AP3B2: variants seen among roughly 807,000 people sequenced by gnomAD.
The protein encoded by AP3B2 is AP-3 complex subunit beta-2.
A neutral mutation model predicts 126.9 loss-of-function variants in AP3B2; 50 were observed. The observed-to-expected ratio is 0.39, with a 90% CI of 0.31 to 0.50. AP3B2 has a LOEUF of 0.50. AP3B2 is among the 20% of genes least tolerant of loss of function. The probability of loss-of-function intolerance (pLI) is 0.79; values close to 1 mark genes in which losing one functional copy is unlikely to be tolerated. For missense variants in AP3B2, 1,177 were observed against 1,426.4 expected (o/e 0.83, Z 2.82); for synonymous variants, 541 against 565.0 (o/e 0.96, Z 0.60).
At chr15:82,701,206 G>A (rs1755448543) in intron 1 of AP3B2, among the ~76,000 whole-genome samples, 1 of 151,954 alleles carries the variant, frequency 6.6e-6, no homozygotes, top group Admixed American at 6.6e-5. Context: ...TCTTCCCTCT[G>A]GGCAGAGTTG....
chr15:82,670,296 G>A (rs1186726971), intron 14 of AP3B2, among the ~76,000 whole-genome samples: 1 of 152,026 alleles, frequency 6.6e-6, no homozygotes, highest in Non-Finnish European at 1.5e-5. Flanking sequence ...TTTTAGTAGA[G>A]ACAGGGTTTC....
chr15:82,682,696 G>A (rs1275834759), intron 4 of AP3B2, among the ~76,000 whole-genome samples: 8 of 150,534 alleles, frequency 5.3e-5, no homozygotes, highest in Admixed American at 6.6e-5. Flanking sequence ...ACTCCAGACT[G>A]AGCAACAGAG....
intron 1 of AP3B2, among the ~76,000 whole-genome samples, chr15:82,692,994 T>A (rs2048567668): frequency 6.6e-6 from 1 of 151,300 alleles, no homozygotes. Flanking sequence ...AGGTAAGAAC[T>A]CCAAAGAATA....
intron 1 of AP3B2, among the ~76,000 whole-genome samples, chr15:82,709,354 C>T (rs891541212): frequency 1.3e-5 from 2 of 152,206 alleles, no homozygotes; most frequent in Admixed American, 1.3e-4. Flanking sequence ...TGAGCTGGCC[C>T]ATCCCCCGCC....
intron 4 of AP3B2, chr15:82,688,126 GT>G: frequency 3.3e-6 from 1 of 304,106 alleles, no homozygotes; most frequent in Non-Finnish European, 6.1e-6. Flanking sequence ...ATAAATAAAG[GT>G]ATGCAAAAAT....
chr15:82,669,325 T>C (rs1182814789), intron 14 of AP3B2, among the ~76,000 whole-genome samples: 1 of 152,182 alleles, frequency 6.6e-6, no homozygotes, highest in African/African-American at 2.4e-5. Flanking sequence ...ATTTAAAAAA[T>C]CTTAAGGATT....
chr15:82,672,074 T>C (rs2048168501), intron 14 of AP3B2, among the ~76,000 whole-genome samples: 1 of 152,042 alleles, frequency 6.6e-6, no homozygotes, highest in Non-Finnish European at 1.5e-5. Context: ...AAAATAGTGC[T>C]ACCATATGAT....
intron 1 of AP3B2, among the ~76,000 whole-genome samples, chr15:82,707,034 GGGTCTGAGAAGGCCACTGC>G (rs1392690678): frequency 6.6e-6 from 1 of 152,162 alleles, no homozygotes; most frequent in African/African-American, 2.4e-5. Context: ...CTTTCCCACA[GGGTCTGAGAAGGCCACTGC>G]GGTCATTTCT....
chr15:82,660,017 A>G, intron 25 of AP3B2, 34 bp from the exon 26 acceptor site: 1 of 1,610,504 alleles, frequency 6.2e-7, no homozygotes, highest in South Asian at 1.1e-5. Flanking sequence ...GGCAGAGGCC[A>G]TGGTGGGTAC....
chr15:82,669,452 G>C (rs1392662998), intron 14 of AP3B2, among the ~76,000 whole-genome samples: 1 of 152,166 alleles, frequency 6.6e-6, no homozygotes, highest in Non-Finnish European at 1.5e-5. Flanking sequence ...CCAGCACTTT[G>C]GGAGGCCGAG....
rs778742367 is a variant in AP3B2 at position 82,688,808 on chromosome 15, G to A, written c.288C>T (p.Tyr96=). ...NIEVKKLVYV[Y]LVRYAEEQQD... is the part of the protein sequence containing the mutation. The stretch of plus-strand genomic sequence containing the variant: ...GCTGCTCCTCAGCGTAGCGTACCAG[G>A]TACACATAGACAAGCTTCTTCACCT... The change falls in exon 4 of 27, where the codon TAC becomes TAT. Residue 96 remains tyrosine (Y), a synonymous_variant. Coordinates refer to ENST00000535359, the MANE Select transcript of AP3B2 (RefSeq NM_001278512.2). The A allele has an allele frequency of 1.9e-5, 30 of 1,612,558 alleles. No homozygotes were observed. In the South Asian group the frequency reaches 3.1e-4, roughly 17 times the overall value.
At chr15:82,694,140 A>G (rs2048595766) in intron 1 of AP3B2, among the ~76,000 whole-genome samples, 1 of 151,966 alleles carries the variant, frequency 6.6e-6, no homozygotes, top group African/African-American at 2.4e-5. Flanking sequence ...AATAGCTGAG[A>G]TTACAGGTGT....
intron 1 of AP3B2, among the ~76,000 whole-genome samples, chr15:82,697,054 G>A (rs578250770): frequency 7.9e-5 from 12 of 152,160 alleles, no homozygotes; most frequent in East Asian, 3.9e-4. Flanking sequence ...AAATCAGGCC[G>A]GGCACGGTGG....
chr15:82,661,769 C>T, intron 25 of AP3B2, 56 bp downstream of exon 25: 6 of 1,433,680 alleles, frequency 4.2e-6, no homozygotes, highest in Non-Finnish European at 5.8e-6. Context: ...CCAAGCTGGA[C>T]ATTCTGGAGT....
At chr15:82,684,444 T>C (rs1310691276) in intron 4 of AP3B2, among the ~76,000 whole-genome samples, 1 of 152,196 alleles carries the variant, frequency 6.6e-6, no homozygotes, top group East Asian at 1.9e-4. Context: ...ATCATAGAAT[T>C]GGAGAGATTT....
chr15:82,693,066 C>A (rs2048568778), intron 1 of AP3B2, among the ~76,000 whole-genome samples: 1 of 151,896 alleles, frequency 6.6e-6, no homozygotes, highest in Non-Finnish European at 1.5e-5. Context: ...AAAACATAAA[C>A]ACCACGAGAC....
In AP3B2 at chr15:82,676,327, C is replaced by A. The variant is rs545724072; in HGVS notation, c.1665+134G>T. 1.9e-5 allele frequency: 18 copies of A among 926,204 alleles called. No individual in the cohort carries two copies. The South Asian group carries it at 3.1e-4, about 16-fold the overall frequency. 57.4% of individuals were successfully genotyped at this position (926,204 alleles called of 1,614,324 possible). A position where few individuals can be genotyped will look rare whatever the true frequency, so the allele number is the denominator to read the frequency against. On this transcript the variant is annotated intron_variant, in intron 14 of 26. Coordinates refer to ENST00000535359, the MANE Select transcript of AP3B2 (RefSeq NM_001278512.2). ...GGGTAGCATTGGTTATGTGGGCAGACCAGCCACCTTCCCTGATTCTTCTTT... is the reference window on the plus strand; with the variant it reads ...GGGTAGCATTGGTTATGTGGGCAGAACAGCCACCTTCCCTGATTCTTCTTT...
At chr15:82,685,400 C>T (rs142638228) in intron 4 of AP3B2, 4 of 152,156 alleles carry the variant, frequency 2.6e-5, no homozygotes, top group South Asian at 2.1e-4. Flanking sequence ...TAGAGAATGA[C>T]GGGAATAGAA....
At chr15:82,695,633 C>T (rs1408452988) in intron 1 of AP3B2, among the ~76,000 whole-genome samples, 1 of 152,156 alleles carries the variant, frequency 6.6e-6, no homozygotes. Flanking sequence ...TCTCCCTATG[C>T]ATCTCTTCAT....
Sources: allele counts gnomAD v4.1 joint callset (sites outside exome capture counted in the v4.1 genomes callset), GRCh38; gene constraint gnomAD v4.1.1; transcripts MANE v1.5; gene names NCBI Gene and HGNC (gene_info 2026-07-23, HGNC 2026-07-21).